Variants in PNPLA1 observed in about 807,000 individuals in gnomAD.
The protein encoded by PNPLA1 is patatin like domain 1, omega-hydroxyceramide transacylase, also known as omega-hydroxyceramide transacylase.
In PNPLA1, 36 loss-of-function variants were observed where a neutral mutation model predicts 51.7. The ratio of observed to expected loss-of-function variants is 0.70; its 90% CI spans 0.53 to 0.92. The LOEUF is 0.92. Ranked by LOEUF, PNPLA1 falls within the 40% of genes least tolerant of loss-of-function variation. PNPLA1 has a pLI of 0.00. For synonymous variants in PNPLA1, 293 were observed against 280.1 expected, an observed-to-expected ratio of 1.05 and a Z score of -0.46; for missense variants, 658 against 682.5, an observed-to-expected ratio of 0.96 and a Z score of 0.40.
At chr6:36,304,859 G>T (rs1054098998) in intron 6 of PNPLA1, among the ~76,000 whole-genome samples, 8 of 152,110 alleles carry the variant, frequency 5.3e-5, no homozygotes, top group African/African-American at 1.4e-4. Context: ...GAGTGATTTT[G>T]TCTCCAGGAG....
rs538939811 is a variant in PNPLA1, at chr6:36,279,839, C to G, written c.205+9175C>G. On this transcript the variant is annotated intron_variant, in intron 1 of 8. Coordinates refer to ENST00000636260, the MANE Select transcript of PNPLA1 (RefSeq NM_001374623.1). The stretch of plus-strand genomic sequence containing the variant: ...GGATGAATACGTGAAAAGAAAATTA[C>G]CTTGAAATAGAAAAGCATAGATAAA... Among the ~76,000 whole-genome samples the G allele has an allele frequency of 4.7e-4, 71 of 152,324 alleles. 1 individual carries two copies. The highest frequency in any genetic ancestry group is 1.7e-3 in the African/African-American group (70 of 41,590).
intron 1 of PNPLA1, among the ~76,000 whole-genome samples, chr6:36,273,728 C>CAAAAAAAAAAAAAAAAAAAAAAAA (rs57186870): frequency 1.0e-4 from 5 of 48,222 alleles, no homozygotes; most frequent in Admixed American, 3.1e-4. Context: ...GACCCCATCG[C>CAAAAAAAAAAAAAAAAAAAAAAAA]AAAAAAAAAA....
At chr6:36,303,244 G>A (rs537709651) in intron 6 of PNPLA1, among the ~76,000 whole-genome samples, 124 of 152,078 alleles carry the variant, frequency 8.2e-4, no homozygotes, top group East Asian at 3.1e-3. Flanking sequence ...ACAGATGCCC[G>A]CCACCACGCC....
chr6:36,296,006 T>A (rs1428230614), intron 5 of PNPLA1, among the ~76,000 whole-genome samples: 2 of 152,188 alleles, frequency 1.3e-5, no homozygotes, highest in Non-Finnish European at 2.9e-5. Flanking sequence ...ATGGCAAACA[T>A]CTTTGTTAAA....
At chr6:36,295,126 C>T (rs573785355) in intron 4 of PNPLA1, among the ~76,000 whole-genome samples, 10 of 152,278 alleles carry the variant, frequency 6.6e-5, no homozygotes, top group Admixed American at 6.5e-4. Flanking sequence ...CAGGGGAGGC[C>T]GAGGCTCCAC....
chr6:36,281,402 C>A lies in PNPLA1; in HGVS notation c.206-9918C>A, dbSNP rs114095956. Among the ~76,000 whole-genome samples the A allele has an allele frequency of 7.4e-3, 1,123 of 152,290 alleles. 16 individuals carry two copies. The highest frequency in any genetic ancestry group is 0.025 in the African/African-American group (1,036 of 41,548). The stretch of plus-strand genomic sequence containing the variant: ...TCTGCTCAAATTCCCATCCTAGTGT[C>A]TTTTGAATAACAGCTATTTACCAAG... On this transcript the variant is annotated intron_variant, in intron 1 of 8. Transcript: ENST00000636260.
At position 36,270,115 on chromosome 6, in the gene PNPLA1, C is replaced by G. The variant is rs568772726; in HGVS notation, c.-345C>G. On this transcript the variant is annotated 5_prime_UTR_variant, in exon 1 of 9. Transcript: ENST00000636260. Reference sequence around the variant, plus strand: ...TGCGCCCTGGTATACCATGGATGGGCAGAGGGCTGAGGATCCCGTGCCCGA... The same window carrying G: ...TGCGCCCTGGTATACCATGGATGGGGAGAGGGCTGAGGATCCCGTGCCCGA... Among the ~76,000 whole-genome samples the G allele has an allele frequency of 6.6e-4, 101 of 152,338 alleles. 1 individual carries two copies. The highest frequency in any genetic ancestry group is 2.3e-3 in the African/African-American group (97 of 41,582).
At chr6:36,244,860 A>G (rs980811391) in intron 1 of PNPLA1, among the ~76,000 whole-genome samples, 4 of 152,238 alleles carry the variant, frequency 2.6e-5, no homozygotes, top group Non-Finnish European at 5.9e-5. Flanking sequence ...AGCAAGAGAA[A>G]GTGAGGCATT....
chr6:36,295,856 A>G (rs747498739), intron 5 of PNPLA1, among the ~76,000 whole-genome samples: 2 of 152,150 alleles, frequency 1.3e-5, no homozygotes, highest in Non-Finnish European at 2.9e-5. Context: ...ACTTTGAGTG[A>G]CCTATTGATC....
chr6:36,282,341 A>G (rs1312540914), intron 1 of PNPLA1, among the ~76,000 whole-genome samples: 1 of 152,246 alleles, frequency 6.6e-6, no homozygotes, highest in Non-Finnish European at 1.5e-5. Flanking sequence ...TCATTGTGCG[A>G]TAGTTGTTGT....
At chr6:36,301,033 T>C (rs1771025912) in intron 5 of PNPLA1, among the ~76,000 whole-genome samples, 1 of 152,210 alleles carries the variant, frequency 6.6e-6, no homozygotes, top group Admixed American at 6.5e-5. Context: ...TTCAGTTGGC[T>C]CTTTCACACA....
chr6:36,288,704 C>T (rs1031690802), intron 1 of PNPLA1, among the ~76,000 whole-genome samples: 3 of 151,998 alleles, frequency 2.0e-5, no homozygotes, highest in Admixed American at 6.5e-5. Context: ...ATGATCCACC[C>T]GCCTCGGCCT....
rs144506927 is a variant in PNPLA1 at position 36,262,086 on chromosome 6, T to C, written c.-81+18825T>C. On this transcript the variant is annotated intron_variant, in intron 1 of 7. Transcript: ENST00000312917. The stretch of plus-strand genomic sequence containing the variant: ...TCCACTGGGGAGGGGGTGCAGAGGT[T>C]CTTCCAACCCTGCAGCCAGGCAGTG... Among the ~76,000 whole-genome samples, 97 of 152,300 alleles carry C rather than the reference T, an allele frequency of 6.4e-4. 2 individuals carry two copies. Among genetic ancestry groups the C allele is most frequent in the African/African-American group, 1.9e-3 (77 of 41,556 alleles).
chr6:36,267,127 A>C (rs1050253372), upstream of PNPLA1, among the ~76,000 whole-genome samples: 1 of 152,230 alleles, frequency 6.6e-6, no homozygotes, highest in Non-Finnish European at 1.5e-5. Flanking sequence ...TCAGACAAGC[A>C]GTGTTAACTT....
chr6:36,261,639 C>T (rs541428041), intron 1 of PNPLA1, among the ~76,000 whole-genome samples: 43 of 152,232 alleles, frequency 2.8e-4, no homozygotes, highest in Admixed American at 2.0e-3. Flanking sequence ...CTTACAAAAG[C>T]GAGAAATAAA....
intron 2 of PNPLA1, 134 bp downstream of exon 2, chr6:36,291,686 C>A: frequency 1.3e-6 from 1 of 769,560 alleles, no homozygotes; most frequent in South Asian, 1.7e-5. Context: ...TTCATGCCCC[C>A]AGAGTCTCGC....
chr6:36,286,568 T>TTA (rs1364762096), intron 1 of PNPLA1, among the ~76,000 whole-genome samples: 5 of 145,936 alleles, frequency 3.4e-5, no homozygotes, highest in Admixed American at 2.1e-4. Flanking sequence ...ACCCTGTCTC[T>TTA]AAAAAAAAAA....
Position 36,294,299 on chromosome 6 carries a change from C to T in PNPLA1, c.614C>T (p.Pro205Leu), listed in dbSNP as rs766215523. ...GQQDICPRDC[P>L]AIFHDFRMFN... is the part of the protein sequence containing the mutation. ...CAGGACATCTGTCCCCGGGACTGCC[C>T]GGCCATCTTCCACGACTTCCGCATG... The change falls in exon 4 of 9, where the codon CCG (proline) becomes CTG (leucine). Residue 205 changes from proline to leucine, a missense_variant. Physicochemically the swap from Pro to Leu is moderately conservative, Grantham distance 98 (BLOSUM62 -3). Transcript: ENST00000636260. This position sits in a 1 kb window ranked among gnomAD's most constrained non-coding sequence, Gnocchi z 4.2. 5.6e-6 allele frequency: 9 copies of T among 1,614,100 alleles called. No homozygotes were observed. The highest frequency in any genetic ancestry group is 2.2e-5 in the East Asian group (1 of 44,894).
chr6:36,303,487 T>C (rs913880634), intron 6 of PNPLA1, among the ~76,000 whole-genome samples: 4 of 152,166 alleles, frequency 2.6e-5, no homozygotes, highest in African/African-American at 9.7e-5. Context: ...AATTCCTTAC[T>C]CAGGAAATCT....
Sources: gnomAD v4.1 joint callset for allele counts (sites outside exome capture counted in the v4.1 genomes callset) on GRCh38, gnomAD v4.1.1 for gene constraint, Gnocchi (gnomAD v3.1) non-coding constraint, MANE v1.5 for transcripts, NCBI Gene and HGNC (gene_info 2026-07-23, HGNC 2026-07-21) for gene names.